STK33: variants seen among roughly 807,000 people sequenced by gnomAD.
STK33 encodes serine/threonine-protein kinase 33.
STK33 carries 52 observed loss-of-function variants against 58.0 expected under a neutral mutation model. The ratio of observed to expected loss-of-function variants is 0.90; its 90% CI spans 0.72 to 1.13. The LOEUF (loss-of-function observed/expected upper bound fraction) is 1.13. STK33 is among the 50% of genes most tolerant of loss of function. The pLI is 0.00. For missense variants in STK33, 630 were observed against 604.2 expected (o/e 1.04, Z -0.45); for synonymous variants, 215 against 200.1 (o/e 1.07, Z -0.63).
At chr11:8,524,233 T>C (rs1953828742) in intron 1 of STK33, among the ~76,000 whole-genome samples, 1 of 152,138 alleles carries the variant, frequency 6.6e-6, no homozygotes, top group Non-Finnish European at 1.5e-5. Flanking sequence ...TTCACATGTT[T>C]ATCTGCTGAC....
intron 1 of STK33, among the ~76,000 whole-genome samples, chr11:8,543,912 CATT>C (rs1432916530): frequency 6.6e-6 from 1 of 152,066 alleles, no homozygotes; most frequent in Non-Finnish European, 1.5e-5. Context: ...AGAAAACACT[CATT>C]GTGTGAGAAA....
chr11:8,398,742 G>A (rs1414079821), intron 15 of STK33, among the ~76,000 whole-genome samples: 17 of 149,626 alleles, frequency 1.1e-4, no homozygotes, highest in South Asian at 4.2e-4. Context: ...ACACACATAG[G>A]CTCAAAATAA....
At chr11:8,537,781 G>A (rs1955157494) in intron 1 of STK33, among the ~76,000 whole-genome samples, 1 of 144,780 alleles carries the variant, frequency 6.9e-6, no homozygotes, top group Admixed American at 7.1e-5. Context: ...CTGCACTCCA[G>A]CCTGGGGAAC....
chr11:8,346,369 CTCCCAGGG>C, the STK33 span, among the ~76,000 whole-genome samples: 1 of 152,196 alleles, frequency 6.6e-6, no homozygotes, highest in African/African-American at 2.4e-5. Context: ...TGCGGTCAGC[CTCCCAGGG>C]TACAGGGCAG....
chr11:8,372,589 T>C, the STK33 span, among the ~76,000 whole-genome samples: 3 of 152,390 alleles, frequency 2.0e-5, no homozygotes, highest in South Asian at 6.2e-4. Context: ...GCTTAGACTT[T>C]GGATTTGAGG....
intron 1 of STK33, among the ~76,000 whole-genome samples, chr11:8,520,495 G>A (rs1953310508): frequency 6.6e-6 from 1 of 152,140 alleles, no homozygotes; most frequent in Non-Finnish European, 1.5e-5. Context: ...TCTGGCCAGG[G>A]CAATCAGGCA....
At chr11:8,583,541 AC>A (rs1301152450) in intron 1 of STK33, among the ~76,000 whole-genome samples, 1 of 152,192 alleles carries the variant, frequency 6.6e-6, no homozygotes, top group Non-Finnish European at 1.5e-5. Flanking sequence ...TAAGAAAGAT[AC>A]GGGGAGGGTG....
At chr11:8,452,961 A>G in intron 10 of STK33, 55 bp from the exon 11 acceptor site, 1 of 1,449,868 alleles carries the variant, frequency 6.9e-7, no homozygotes, top group Non-Finnish European at 9.7e-7. Flanking sequence ...GAGCTCACTC[A>G]TTCTGAAGAT....
intron 14 of STK33, among the ~76,000 whole-genome samples, chr11:8,435,203 C>T (rs1943915610): frequency 6.6e-6 from 1 of 152,140 alleles, no homozygotes; most frequent in African/African-American, 2.4e-5. Flanking sequence ...CAATTTTCCA[C>T]AGCTATAATA....
chr11:8,506,445 T>G (rs182636754), intron 1 of STK33, among the ~76,000 whole-genome samples: 54 of 152,312 alleles, frequency 3.5e-4, no homozygotes, highest in Non-Finnish European at 5.7e-4. Context: ...TTCTGTAAGT[T>G]AGAAATCTAA....
intron 1 of STK33, among the ~76,000 whole-genome samples, chr11:8,542,446 C>T (rs1251879191): frequency 6.6e-6 from 1 of 152,080 alleles, no homozygotes; most frequent in Non-Finnish European, 1.5e-5. Flanking sequence ...ATTTTGCCTC[C>T]CGGGGGATGG....
At chr11:8,486,273 G>A (rs1950189099) in intron 1 of STK33, among the ~76,000 whole-genome samples, 1 of 152,200 alleles carries the variant, frequency 6.6e-6, no homozygotes, top group South Asian at 2.1e-4. Flanking sequence ...AGGAGCCTGT[G>A]TGATATGGTC....
intron 1 of STK33, among the ~76,000 whole-genome samples, chr11:8,561,839 C>T (rs1254626316): frequency 6.6e-6 from 1 of 152,158 alleles, no homozygotes; most frequent in Non-Finnish European, 1.5e-5. Context: ...TGAGGGATAA[C>T]TGGAACCACA....
At chr11:8,396,058 C>T (rs915476778) in intron 15 of STK33, among the ~76,000 whole-genome samples, 3 of 152,198 alleles carry the variant, frequency 2.0e-5, no homozygotes, top group African/African-American at 7.2e-5. Context: ...TGCTCCTTCA[C>T]TCCCTGGTAA....
the STK33 span, among the ~76,000 whole-genome samples, chr11:8,385,246 T>C: frequency 6.6e-6 from 1 of 152,272 alleles, no homozygotes; most frequent in East Asian, 1.9e-4. Context: ...CCACTTTGCA[T>C]AATTCATTTA....
intron 1 of STK33, among the ~76,000 whole-genome samples, chr11:8,534,562 CTCTCTCTGTGTGTGTGTG>C (rs1379781164): frequency 7.8e-6 from 1 of 128,994 alleles, no homozygotes; most frequent in Non-Finnish European, 1.6e-5. Flanking sequence ...CTCTCTCTCT[CTCTCTCTGTGTGTGTGTG>C]TGTGTGTGTG....
chr11:8,536,933 T>G (rs1229756407), intron 1 of STK33, among the ~76,000 whole-genome samples: 3 of 123,276 alleles, frequency 2.4e-5, no homozygotes, highest in Non-Finnish European at 4.9e-5. Context: ...AGGCATGCAC[T>G]GCCATACCCA....
At chr11:8,435,608 T>C in intron 13 of STK33, 29 bp from the exon 14 acceptor site, 3 of 1,371,378 alleles carry the variant, frequency 2.2e-6, no homozygotes, top group Non-Finnish European at 2.0e-6. Flanking sequence ...TCCTGAAAAA[T>C]CTTATTTAAC....
At chr11:8,560,229 G>A (rs1171613104) in intron 1 of STK33, among the ~76,000 whole-genome samples, 1 of 152,008 alleles carries the variant, frequency 6.6e-6, no homozygotes, top group African/African-American at 2.4e-5. Context: ...CCTCAAGAAA[G>A]GATATGAGAG....
Sources: gnomAD v4.1 joint callset for allele counts (sites outside exome capture counted in the v4.1 genomes callset) on GRCh38, gnomAD v4.1.1 for gene constraint, MANE v1.5 for transcripts, NCBI Gene and HGNC (gene_info 2026-07-23, HGNC 2026-07-21) for gene names.